CD48: variants seen among roughly 807,000 people sequenced by gnomAD.
CD48 encodes the protein CD48 molecule.
CD48 carries 20 observed loss-of-function variants against 22.0 expected under a neutral mutation model. That is an observed-to-expected ratio of 0.91 (90% confidence interval 0.64 to 1.32). The LOEUF is 1.32. Ranked by LOEUF, CD48 falls within the 40% of genes most tolerant of loss-of-function variation. The pLI is 0.00. For missense variants in CD48, 307 were observed against 286.5 expected (o/e 1.07, Z -0.52); for synonymous variants, 110 against 110.1 (o/e 1.00, Z 0.01).
chr1:160,703,982 T>C (rs117544877), intron 1 of CD48, among the ~76,000 whole-genome samples: 6 of 152,234 alleles, frequency 3.9e-5, no homozygotes, highest in East Asian at 1.9e-4. Context: ...AGAGAGTAGA[T>C]ACATTTTAGC....
intron 1 of CD48, among the ~76,000 whole-genome samples, chr1:160,695,873 C>T (rs77269779): frequency 1.6e-4 from 22 of 137,126 alleles, no homozygotes; most frequent in Admixed American, 5.1e-4. Flanking sequence ...TTAATTGGTC[C>T]GACAAGATTA....
chr1:160,679,656 TA>T (rs779308043), intron 3 of CD48, among the ~76,000 whole-genome samples: 93 of 150,994 alleles, frequency 6.2e-4, no homozygotes, highest in Non-Finnish European at 1.1e-3. Context: ...CTGGAGAAAA[TA>T]AAAAAAAGGA....
rs1452991136 is a variant in CD48 at position 160,679,053 on chromosome 1, C to G, written c.731G>C (p.Ter244SerextTer5). Residue 244 changes from the stop codon to serine, a stop_lost, in exon 4 of 4, where the codon TGA becomes TCA. Transcript: ENST00000368046. The part of the protein sequence containing the change: ...VPTILGLLLT[*>S] The stretch of plus-strand genomic sequence containing the variant: ...TCGCTTGAGTTAAAAGAGCTCATCT[C>G]AGGTAAGTAACAGGCCAAGAATGGT... 1 of 1,613,036 alleles carries G rather than the reference C, an allele frequency of 6.2e-7. No individual in the cohort carries two copies. Among genetic ancestry groups the G allele is most frequent in the Non-Finnish European group, 8.5e-7 (1 of 1,178,990 alleles).
At chr1:160,680,753 T>C in intron 3 of CD48, 1 of 1,059,642 alleles carries the variant, frequency 9.4e-7, no homozygotes, top group Non-Finnish European at 1.1e-6. Context: ...AGTCCCTCTT[T>C]CCCTGGCTGA....
At chr1:160,701,160 T>G (rs1301313195) in intron 1 of CD48, among the ~76,000 whole-genome samples, 11 of 107,520 alleles carry the variant, frequency 1.0e-4, no homozygotes, top group Admixed American at 7.9e-4. Flanking sequence ...ACAATCTGAT[T>G]TATGTAAAGC....
intron 1 of CD48, among the ~76,000 whole-genome samples, chr1:160,697,143 G>A (rs1662457338): frequency 6.6e-6 from 1 of 152,084 alleles, no homozygotes; most frequent in Admixed American, 6.5e-5. Flanking sequence ...CCACATGAAG[G>A]AAAACTAATT....
At chr1:160,688,438 T>C (rs1662078056) in intron 1 of CD48, among the ~76,000 whole-genome samples, 1 of 152,222 alleles carries the variant, frequency 6.6e-6, no homozygotes, top group Non-Finnish European at 1.5e-5. Flanking sequence ...TGGGAGTTAA[T>C]ACAAGTGTAT....
At position 160,692,418 on chromosome 1, in the gene CD48, A is replaced by G. The variant is rs953987100; in HGVS notation, c.83-7229T>C. Among the ~76,000 whole-genome samples, 7 of 152,194 alleles carry G rather than the reference A, an allele frequency of 4.6e-5. No individual in the cohort carries two copies. The East Asian group carries it at 1.3e-3, about 29-fold the overall frequency. ...AATTAGTGGGGCCATTAGAGTCTAA[A>G]CCACGAGGGCCAAGTCCTCTTTCAG... is the stretch of plus-strand genomic sequence containing the variant. On this transcript the variant is annotated intron_variant, in intron 1 of 3. Transcript: ENST00000368046.
At chr1:160,681,032 G>A in intron 3 of CD48, 170 bp downstream of exon 3, 1 of 1,479,672 alleles carries the variant, frequency 6.8e-7, no homozygotes, top group Non-Finnish European at 9.0e-7. Context: ...AGCTGGCTGG[G>A]AGGTGGTGGT....
chr1:160,686,810 G>T, intron 1 of CD48: 1 of 152,112 alleles, frequency 6.6e-6, no homozygotes, highest in East Asian at 1.9e-4. Context: ...ACTTAACGGG[G>T]TATTAGAATA....
chr1:160,698,148 C>T (rs550167139), intron 1 of CD48, among the ~76,000 whole-genome samples: 28 of 152,166 alleles, frequency 1.8e-4, no homozygotes, highest in Non-Finnish European at 4.0e-4. Context: ...TGCATAAAGC[C>T]CCCTTATATG....
At chr1:160,687,311 G>A (rs985328218) in intron 1 of CD48, among the ~76,000 whole-genome samples, 5 of 152,022 alleles carry the variant, frequency 3.3e-5, no homozygotes, top group Admixed American at 1.3e-4. Context: ...TTAAACACAC[G>A]TGTTCTATAA....
intron 1 of CD48, among the ~76,000 whole-genome samples, chr1:160,685,577 T>A (rs1661968700): frequency 6.6e-6 from 1 of 152,226 alleles, no homozygotes; most frequent in African/African-American, 2.4e-5. Flanking sequence ...AGTAAGCATG[T>A]TGTTAGTCCC....
chr1:160,701,051 T>C (rs1662613704), intron 1 of CD48, among the ~76,000 whole-genome samples: 1 of 151,958 alleles, frequency 6.6e-6, no homozygotes, highest in Non-Finnish European at 1.5e-5. Context: ...GCTGGCAGAT[T>C]GTAGGGCTAT....
chr1:160,685,028 T>C lies in CD48; in HGVS notation c.244A>G (p.Lys82Glu), dbSNP rs776183487. Residue 82 changes from lysine to glutamate, a missense_variant, in exon 2 of 4, where the codon AAA (lysine) becomes GAA (glutamate). Lys to Glu is a moderately conservative substitution (Grantham distance 56, BLOSUM62 1). Transcript: ENST00000368046. Reference protein sequence around the residue: ...RKSKYFESKFKGRVRLDPQSG... With the variant: ...RKSKYFESKFEGRVRLDPQSG... ...TGAGGATCAAGTCTGACCCTGCCTTTAAATTTGGATTCAAAGTACTTAGAT... is the reference window on the plus strand; with the variant it reads ...TGAGGATCAAGTCTGACCCTGCCTTCAAATTTGGATTCAAAGTACTTAGAT... 23 of 1,614,134 alleles carry C rather than the reference T, an allele frequency of 1.4e-5. No individual in the cohort carries two copies. The highest frequency in any genetic ancestry group is 8.5e-7 in the Non-Finnish European group (1 of 1,180,052).
chr1:160,711,609 C>T (rs1662950354), intron 1 of CD48, 73 bp downstream of exon 1: 8 of 1,149,478 alleles, frequency 7.0e-6, no homozygotes, highest in Non-Finnish European at 9.2e-6. Context: ...GGTTGAACTA[C>T]ATCCCGTCTC....
rs1661771860 is a variant in CD48, at chr1:160,680,959, T to G, written c.652+243A>C. On this transcript the variant is annotated intron_variant, in intron 3 of 3. Transcript: ENST00000368046. ...TAGAGCGGGAGAGGGAAGAGGAGTA[T>G]CAGAGATCTCTCCCAAACGTCCTTT... 3 of 1,437,604 alleles carry G rather than the reference T, an allele frequency of 2.1e-6. No individual in the cohort carries two copies. In the South Asian group the frequency reaches 4.4e-5, roughly 21 times the overall value. The allele number at this position is 1,437,604 out of a possible 1,614,324, so 89.1% of individuals were successfully genotyped here.
At chr1:160,700,679 A>T (rs966851585) in intron 1 of CD48, among the ~76,000 whole-genome samples, 2 of 152,186 alleles carry the variant, frequency 1.3e-5, no homozygotes, top group Admixed American at 1.3e-4. Flanking sequence ...TCTCCCCGCA[A>T]CATAGAAATC....
At chr1:160,697,299 G>A (rs1662464291) in intron 1 of CD48, among the ~76,000 whole-genome samples, 1 of 152,418 alleles carries the variant, frequency 6.6e-6, no homozygotes, top group South Asian at 2.1e-4. Context: ...GAACCCATCA[G>A]AGATGCAAAG....
Sources: allele counts gnomAD v4.1 joint callset (sites outside exome capture counted in the v4.1 genomes callset), GRCh38; gene constraint gnomAD v4.1.1; transcripts MANE v1.5; gene names NCBI Gene and HGNC (gene_info 2026-07-23, HGNC 2026-07-21).